Variants in MTHFD1L observed in about 807,000 individuals in gnomAD.
MTHFD1L encodes methylenetetrahydrofolate dehydrogenase (NADP+ dependent) 1 like, also known as monofunctional C1-tetrahydrofolate synthase, mitochondrial.
Under a neutral mutation model 119.5 loss-of-function variants are expected in MTHFD1L, and 81 were observed. The observed-to-expected ratio is 0.68, with a 90% CI of 0.57 to 0.82. The LOEUF (loss-of-function observed/expected upper bound fraction) is 0.82, where lower values mean the gene tolerates loss of function less well. Among genes scored for constraint, MTHFD1L ranks in the 40% least tolerant of loss-of-function variants. The pLI is 0.00. For synonymous variants in MTHFD1L, 430 were observed against 475.2 expected (o/e 0.90, Z 1.24); for missense variants, 1,125 against 1,253.4 (o/e 0.90, Z 1.55).
At chr6:151,024,560 G>T (rs1250643649) in intron 24 of MTHFD1L, among the ~76,000 whole-genome samples, 2 of 152,042 alleles carry the variant, frequency 1.3e-5, no homozygotes, top group Non-Finnish European at 2.9e-5. Context: ...CAGGCACGAT[G>T]GCTCCCTCCT....
rs140208423 is a variant in MTHFD1L at position 150,940,872 on chromosome 6, G to A, written c.1440+2127G>A. Among the ~76,000 whole-genome samples, 1,488 of 152,224 alleles carry A rather than the reference G, an allele frequency of 9.8e-3. 12 individuals are homozygous for A. The highest frequency in any genetic ancestry group is 0.017 in the Middle Eastern group (5 of 294). ...TAGGATTACAGGCGTGAGCCACCGC[G>A]CCCAGCCAAGAAGACTACCTTATGA... On this transcript the variant is annotated intron_variant, in intron 13 of 27. Coordinates refer to ENST00000367321, the MANE Select transcript of MTHFD1L (RefSeq NM_015440.5).
intron 7 of MTHFD1L, among the ~76,000 whole-genome samples, chr6:150,890,594 C>T (rs1024601110): frequency 3.9e-5 from 6 of 152,156 alleles, no homozygotes; most frequent in African/African-American, 9.7e-5. Flanking sequence ...CGAGTTATCC[C>T]GAGTTCGTGC....
intron 7 of MTHFD1L, 85 bp from the exon 8 acceptor site, chr6:150,905,565 G>A (rs764741599): frequency 9.5e-6 from 9 of 947,558 alleles, no homozygotes; most frequent in Non-Finnish European, 1.5e-5. Flanking sequence ...ATCTGGGATT[G>A]TGTAGAACTC....
intron 20 of MTHFD1L, among the ~76,000 whole-genome samples, chr6:150,977,995 G>C (rs1776858573): frequency 6.6e-6 from 1 of 151,372 alleles, no homozygotes; most frequent in Non-Finnish European, 1.5e-5. Flanking sequence ...CCACCTCCCA[G>C]GTTCAAGCGA....
chr6:151,090,659 T>C (rs890062670), intron 26 of MTHFD1L, among the ~76,000 whole-genome samples: 7 of 152,208 alleles, frequency 4.6e-5, no homozygotes, highest in Non-Finnish European at 1.0e-4. Context: ...CTGAGAACTT[T>C]TTGCCACATG....
intron 20 of MTHFD1L, among the ~76,000 whole-genome samples, chr6:151,002,288 A>G (rs146722770): frequency 2.9e-3 from 442 of 152,300 alleles, no homozygotes; most frequent in Non-Finnish European, 5.0e-3. Flanking sequence ...ACCTTGGGGA[A>G]AATTATAAAA....
At chr6:151,082,690 G>A (rs1160966235) in intron 26 of MTHFD1L, among the ~76,000 whole-genome samples, 2 of 151,930 alleles carry the variant, frequency 1.3e-5, no homozygotes, top group East Asian at 1.9e-4. Context: ...AATGGGTACT[G>A]TGTATTAAAC....
intron 20 of MTHFD1L, among the ~76,000 whole-genome samples, chr6:150,987,709 T>C (rs1354699514): frequency 6.6e-6 from 1 of 152,214 alleles, no homozygotes; most frequent in Non-Finnish European, 1.5e-5. Context: ...TTTCATTCCA[T>C]AGCAGCATCA....
intron 26 of MTHFD1L, among the ~76,000 whole-genome samples, chr6:151,047,405 A>G (rs1367929435): frequency 6.6e-6 from 1 of 152,260 alleles, no homozygotes; most frequent in Non-Finnish European, 1.5e-5. Context: ...GGGAGCAAGT[A>G]TAAAGTAGGT....
intron 20 of MTHFD1L, among the ~76,000 whole-genome samples, chr6:150,995,110 T>G (rs568670655): frequency 1.3e-5 from 2 of 152,046 alleles, no homozygotes; most frequent in Non-Finnish European, 2.9e-5. Context: ...GTTCTTCTTT[T>G]ATACCAGATG....
chr6:151,042,957 C>T (rs1787354031), intron 26 of MTHFD1L, among the ~76,000 whole-genome samples: 1 of 152,192 alleles, frequency 6.6e-6, no homozygotes, highest in Non-Finnish European at 1.5e-5. Context: ...AGAGTGAGAA[C>T]ACACACGCAG....
chr6:151,036,900 C>G, intron 25 of MTHFD1L, 65 bp from the exon 26 acceptor site: 1 of 1,574,796 alleles, frequency 6.4e-7, no homozygotes, highest in Non-Finnish European at 8.7e-7. Flanking sequence ...GTATAAAGTG[C>G]AAATTGAAAA....
chr6:150,900,459 G>A (rs965998218), intron 7 of MTHFD1L, among the ~76,000 whole-genome samples: 5 of 152,016 alleles, frequency 3.3e-5, no homozygotes, highest in African/African-American at 4.8e-5. Context: ...GTTTCCCCTG[G>A]GGAATCCACA....
chr6:151,034,609 TCTA>T lies in MTHFD1L; in HGVS notation c.2694+12_2694+14del. On this transcript the variant is annotated intron_variant, in intron 25 of 27. Transcript: ENST00000367321. ...ATCGTTACACTCAACAGGTAAAAGT[TCTA>T]CTTTTAGGGGAAAAGAAAAAATTCA... 6.3e-7 allele frequency: 1 copy of T among 1,576,370 alleles called. No individual in the cohort carries two copies. The highest frequency in any genetic ancestry group is 8.7e-7 in the Non-Finnish European group (1 of 1,147,840).
chr6:151,041,035 T>A (rs2128550196), intron 26 of MTHFD1L, among the ~76,000 whole-genome samples: 1 of 152,254 alleles, frequency 6.6e-6, no homozygotes, highest in East Asian at 1.9e-4. Context: ...CTCAGCCGAG[T>A]TCCTCCTGTG....
At chr6:151,012,562 A>C (rs896095309) in intron 21 of MTHFD1L, among the ~76,000 whole-genome samples, 7 of 151,914 alleles carry the variant, frequency 4.6e-5, no homozygotes, top group Non-Finnish European at 1.0e-4. Context: ...TTTTAAACTC[A>C]CATCCTGTCC....
chr6:150,883,399 G>T (rs1006855964), intron 5 of MTHFD1L, among the ~76,000 whole-genome samples: 7 of 152,094 alleles, frequency 4.6e-5, no homozygotes, highest in African/African-American at 1.7e-4. Flanking sequence ...CCCTTTTATA[G>T]TGCTTCAATG....
chr6:150,873,150 A>G (rs1779823535), intron 1 of MTHFD1L, among the ~76,000 whole-genome samples: 1 of 152,038 alleles, frequency 6.6e-6, no homozygotes, highest in Non-Finnish European at 1.5e-5. Flanking sequence ...TCCTGTCTCT[A>G]CTAAAAATAC....
Position 151,058,678 on chromosome 6 carries a change from CT to C in MTHFD1L, c.2847+21562del, listed in dbSNP as rs542478225. Among the ~76,000 whole-genome samples, 4 of 152,342 alleles carry C rather than the reference CT, an allele frequency of 2.6e-5. No homozygotes were observed. The South Asian group carries it at 8.3e-4, about 32-fold the overall frequency. ...CCCTCCTTTTCAAGGACTCCTGCCCCTGCCTGAGTGGCTTGGCCTGGCCTGG... is the reference window on the plus strand; with the variant it reads ...CCCTCCTTTTCAAGGACTCCTGCCCCGCCTGAGTGGCTTGGCCTGGCCTGG... On this transcript the variant is annotated intron_variant, in intron 26 of 27. Coordinates refer to ENST00000367321, the MANE Select transcript of MTHFD1L (RefSeq NM_015440.5).
Sources: gnomAD v4.1 joint callset for allele counts (sites outside exome capture counted in the v4.1 genomes callset) on GRCh38, gnomAD v4.1.1 for gene constraint, MANE v1.5 for transcripts, NCBI Gene and HGNC (gene_info 2026-07-23, HGNC 2026-07-21) for gene names.